The following ANKS1B variants were observed in gnomAD, a reference collection of about 807,000 sequenced individuals.
ANKS1B encodes ankyrin repeat and sterile alpha motif domain-containing protein 1B.
In ANKS1B, 36 loss-of-function variants were observed where a neutral mutation model predicts 148.3. The observed-to-expected ratio is 0.24, with a 90% CI of 0.19 to 0.32. The LOEUF (loss-of-function observed/expected upper bound fraction) is 0.32, where lower values mean the gene tolerates loss of function less well. Ranked by LOEUF, ANKS1B falls within the 10% of genes least tolerant of loss-of-function variation. The pLI is 1.00. For missense variants in ANKS1B, 1,157 were observed against 1,542.6 expected, an observed-to-expected ratio of 0.75 and a Z score of 4.19; for synonymous variants, 542 against 560.8, an observed-to-expected ratio of 0.97 and a Z score of 0.47.
At chr12:99,243,869 C>T (rs994793587) in intron 14 of ANKS1B, among the ~76,000 whole-genome samples, 8 of 151,482 alleles carry the variant, frequency 5.3e-5, no homozygotes, top group East Asian at 2.0e-4. Context: ...GGGCCTCTTG[C>T]GGGGTGGGGA....
intron 12 of ANKS1B, among the ~76,000 whole-genome samples, chr12:99,312,282 A>T (rs942426195): frequency 1.3e-5 from 2 of 152,162 alleles, no homozygotes; most frequent in African/African-American, 4.8e-5. Context: ...ACATTTACGG[A>T]CTTATAAGCA....
At chr12:99,867,410 C>T (rs938842471) in intron 1 of ANKS1B, among the ~76,000 whole-genome samples, 4 of 152,066 alleles carry the variant, frequency 2.6e-5, no homozygotes, top group African/African-American at 4.8e-5. Context: ...AAGACATACC[C>T]GAGACTGGGA....
intron 12 of ANKS1B, among the ~76,000 whole-genome samples, chr12:99,262,053 G>T (rs953827273): frequency 6.6e-6 from 1 of 151,864 alleles, no homozygotes; most frequent in African/African-American, 2.4e-5. Flanking sequence ...TGTTTTTTCT[G>T]CCTGGGATTT....
In ANKS1B at chr12:99,212,843, C is replaced by T. The variant is rs2083534283; in HGVS notation, c.2419+31499G>A. On this transcript the variant is annotated intron_variant, in intron 14 of 26. Coordinates refer to ENST00000683438, the MANE Select transcript of ANKS1B (RefSeq NM_001352186.2). ...ATTAGTGTGCTCTATTTACAGAGTG[C>T]CTACGCTTGTGCTAAATCACTTCAC... Among the ~76,000 whole-genome samples, 4 of 152,156 alleles carry T rather than the reference C, an allele frequency of 2.6e-5. No homozygotes were observed. In the South Asian group the frequency reaches 8.3e-4, roughly 31 times the overall value.
chr12:99,942,075 G>A (rs1216237947), intron 1 of ANKS1B, among the ~76,000 whole-genome samples: 2 of 152,108 alleles, frequency 1.3e-5, no homozygotes, highest in Non-Finnish European at 2.9e-5. Flanking sequence ...ATTGAGAGCA[G>A]ACAAGGTAAG....
intron 9 of ANKS1B, among the ~76,000 whole-genome samples, chr12:99,614,070 CATTT>C (rs1463880182): frequency 6.6e-6 from 1 of 151,690 alleles, no homozygotes; most frequent in Non-Finnish European, 1.5e-5. Context: ...AACATTCATT[CATTT>C]ATTTTTCTTC....
intron 12 of ANKS1B, among the ~76,000 whole-genome samples, chr12:99,250,403 G>A (rs2074429083): frequency 6.6e-6 from 1 of 152,180 alleles, no homozygotes; most frequent in South Asian, 2.1e-4. Flanking sequence ...TCCACAGCAA[G>A]AGCTCAAGAG....
At chr12:99,667,859 T>A (rs923234142) in intron 8 of ANKS1B, among the ~76,000 whole-genome samples, 3 of 152,240 alleles carry the variant, frequency 2.0e-5, no homozygotes, top group African/African-American at 7.2e-5. Flanking sequence ...ATTGATTTTA[T>A]CTGTTAAAAT....
intron 17 of ANKS1B, among the ~76,000 whole-genome samples, chr12:98,857,927 T>C (rs1175920894): frequency 6.6e-6 from 1 of 152,240 alleles, no homozygotes; most frequent in Non-Finnish European, 1.5e-5. Flanking sequence ...AGCTATATTT[T>C]GTGTAACACA....
chr12:99,381,176 G>C (rs2093630005), intron 12 of ANKS1B, among the ~76,000 whole-genome samples: 1 of 152,042 alleles, frequency 6.6e-6, no homozygotes, highest in African/African-American at 2.4e-5. Flanking sequence ...AGACTTGTGA[G>C]AGAATAAATT....
chr12:99,641,510 A>G (rs137952752), intron 9 of ANKS1B, among the ~76,000 whole-genome samples: 1,918 of 152,324 alleles, frequency 0.013, 47 homozygotes, highest in African/African-American at 0.044. Context: ...TGCCACACAT[A>G]TAACAAATGG....
chr12:99,340,339 C>T (rs2089688759), intron 12 of ANKS1B, among the ~76,000 whole-genome samples: 1 of 152,108 alleles, frequency 6.6e-6, no homozygotes, highest in African/African-American at 2.4e-5. Context: ...AGAACCTGAA[C>T]TCAAGTTCTC....
At chr12:98,806,626 T>C (rs554590189) in intron 20 of ANKS1B, among the ~76,000 whole-genome samples, 3 of 152,360 alleles carry the variant, frequency 2.0e-5, no homozygotes, top group South Asian at 4.1e-4. Context: ...CTTATAAATA[T>C]GCATACGTAT....
At chr12:99,374,610 G>A (rs1158679834) in intron 12 of ANKS1B, among the ~76,000 whole-genome samples, 1 of 152,166 alleles carries the variant, frequency 6.6e-6, no homozygotes, top group Non-Finnish European at 1.5e-5. Flanking sequence ...TATGGGAAGT[G>A]TTTTGGTCTT....
intron 15 of ANKS1B, among the ~76,000 whole-genome samples, chr12:99,151,220 T>C (rs946923356): frequency 2.6e-5 from 4 of 151,998 alleles, no homozygotes; most frequent in African/African-American, 9.7e-5. Context: ...GGAGCAATAA[T>C]TGACAAATAT....
chr12:99,328,622 A>G (rs943164404), intron 12 of ANKS1B, among the ~76,000 whole-genome samples: 4 of 151,962 alleles, frequency 2.6e-5, no homozygotes, highest in African/African-American at 9.7e-5. Flanking sequence ...CAAGTAAGTC[A>G]ATTTCATCCC....
chr12:99,928,311 G>A (rs916758757), intron 1 of ANKS1B, among the ~76,000 whole-genome samples: 16 of 141,854 alleles, frequency 1.1e-4, no homozygotes, highest in Admixed American at 6.5e-4. Flanking sequence ...TCGCTCTGTC[G>A]CCCAGGCCGG....
At chr12:99,003,400 A>G (rs2099934168) in intron 17 of ANKS1B, among the ~76,000 whole-genome samples, 1 of 152,126 alleles carries the variant, frequency 6.6e-6, no homozygotes, top group Admixed American at 6.5e-5. Context: ...AATTGCACTG[A>G]ATCTATAGAT....
chr12:99,468,848 C>A (rs374396365), intron 10 of ANKS1B, among the ~76,000 whole-genome samples: 1 of 151,824 alleles, frequency 6.6e-6, no homozygotes, highest in Non-Finnish European at 1.5e-5. Context: ...GGTGGGACTG[C>A]AAACTAGTTC....
Sources: gnomAD v4.1 joint callset for allele counts (sites outside exome capture counted in the v4.1 genomes callset) on GRCh38, gnomAD v4.1.1 for gene constraint, MANE v1.5 for transcripts, NCBI Gene and HGNC (gene_info 2026-07-23, HGNC 2026-07-21) for gene names.